The following ROS1 variants were observed in gnomAD, a reference collection of about 807,000 sequenced individuals.
ROS1 encodes the protein ROS proto-oncogene 1, receptor tyrosine kinase, also known as proto-oncogene tyrosine-protein kinase ROS.
A neutral mutation model predicts 273.5 loss-of-function variants in ROS1; 263 were observed. The observed-to-expected ratio is 0.96, with a 90% confidence interval of 0.87 to 1.06. The LOEUF is 1.06. Ranked by LOEUF, ROS1 falls within the 50% of genes least tolerant of loss-of-function variation. The probability of loss-of-function intolerance (pLI) is 0.00; values close to 1 mark genes in which losing one functional copy is unlikely to be tolerated. For synonymous variants in ROS1, 1,008 were observed against 954.1 expected (o/e 1.06, Z -1.04); for missense variants, 2,833 against 2,751.1 (o/e 1.03, Z -0.67).
In ROS1 at chr6:117,425,932, C is replaced by G; in HGVS notation, c.-276G>C. On this transcript the variant is annotated 5_prime_UTR_variant, in exon 1 of 44. Transcript: ENST00000368507. The stretch of plus-strand genomic sequence containing the variant: ...GTCACCCAGTGACTAAAGGTTAGTT[C>G]TTAGAAGTGCACTTCACATGGAAAT... The G allele has an allele frequency of 2.6e-6, 1 of 383,502 alleles. No homozygotes were observed. Among genetic ancestry groups the G allele is most frequent in the East Asian group, 5.3e-5 (1 of 18,944 alleles). The allele number at this position is 383,502 out of a possible 1,614,324, so 23.8% of individuals were successfully genotyped here. A position where few individuals can be genotyped will look rare whatever the true frequency, so the allele number is the denominator to read the frequency against.
chr6:117,356,628 C>T lies in ROS1; in HGVS notation c.4126+1G>A, dbSNP rs757211622. On this transcript the variant is annotated splice_donor_variant, in intron 26 of 43. Coordinates refer to ENST00000368507, the MANE Select transcript of ROS1 (RefSeq NM_001378902.1). LOFTEE classifies it high-confidence loss of function. Reference sequence around the variant, plus strand: ...TCTGTGCACATACATCAGCATCTTACCGAGCATAGCAGGTACTGTGATAAC... The same window carrying T: ...TCTGTGCACATACATCAGCATCTTATCGAGCATAGCAGGTACTGTGATAAC... 1.9e-6 allele frequency: 3 copies of T among 1,607,398 alleles called. No individual in the cohort carries two copies. The highest frequency in any genetic ancestry group is 1.7e-4 in the Middle Eastern group (1 of 6,040).
intron 9 of ROS1, among the ~76,000 whole-genome samples, chr6:117,395,503 G>A (rs1029410474): frequency 1.3e-5 from 2 of 152,112 alleles, no homozygotes; most frequent in Non-Finnish European, 2.9e-5. Context: ...TAGGGTTCTA[G>A]TAAAAATAGA....
At position 117,383,317 on chromosome 6, in the gene ROS1, CT is replaced by C. The variant is rs36029166; in HGVS notation, c.2480del (p.Lys827ArgfsTer2). The C allele has an allele frequency of 6.2e-7, 1 of 1,609,906 alleles. No homozygotes were observed. Among genetic ancestry groups the C allele is most frequent in the Non-Finnish European group, 8.5e-7 (1 of 1,176,690 alleles). On this transcript the variant is annotated frameshift_variant and splice_region_variant, in exon 17 of 44. Coordinates refer to ENST00000368507, the MANE Select transcript of ROS1 (RefSeq NM_001378902.1). LOFTEE classifies it high-confidence loss of function. The stretch of plus-strand genomic sequence containing the variant: ...ATGATCAGATCTTTTAATTTGTCAC[CT>C]TTTTCCCAGAAAACCAAGGCTGTGT... Reference protein sequence around the residue: ...LQTQPWFSGKKVIALTLDLSD... With the variant: ...LQTQPWFSGKXVIALTLDLSD...
chr6:117,289,525 C>T (rs1318996946), intron 43 of ROS1, among the ~76,000 whole-genome samples: 2 of 152,120 alleles, frequency 1.3e-5, no homozygotes, highest in African/African-American at 2.4e-5. Flanking sequence ...TTAAGTTTAA[C>T]ACCTGAACTA....
At chr6:117,399,945 C>T (rs1256627923) in intron 7 of ROS1, among the ~76,000 whole-genome samples, 1 of 152,158 alleles carries the variant, frequency 6.6e-6, no homozygotes, top group Non-Finnish European at 1.5e-5. Flanking sequence ...TACTATTGTG[C>T]TTTAAAACCT....
Position 117,407,727 on chromosome 6 carries a change from A to T in ROS1, c.316+1855T>A, listed in dbSNP as rs1330236780. Among the ~76,000 whole-genome samples, 4 of 152,344 alleles carry T rather than the reference A, an allele frequency of 2.6e-5. No homozygotes were observed. In the East Asian group the frequency reaches 5.8e-4, roughly 22 times the overall value. ...TTAGAAAAACTACTTTAAAGTTCAC[A>T]TGGAACCAAAAAAATGCCCACATTG... On this transcript the variant is annotated intron_variant, in intron 5 of 43. Transcript: ENST00000368507.
intron 18 of ROS1, among the ~76,000 whole-genome samples, chr6:117,368,595 T>C (rs1780467958): frequency 6.6e-6 from 1 of 152,176 alleles, no homozygotes; most frequent in African/African-American, 2.4e-5. Flanking sequence ...ATGTGGTTAG[T>C]ATGACCGAGG....
In ROS1 at chr6:117,325,047, C is replaced by T. The variant is rs1286856679; in HGVS notation, c.5540-632G>A. 2.0e-5 allele frequency among the ~76,000 whole-genome samples: 3 copies of T among 152,050 alleles called. No individual in the cohort carries two copies. In the East Asian group the frequency reaches 5.8e-4, roughly 29 times the overall value. On this transcript the variant is annotated intron_variant, in intron 34 of 43. Coordinates refer to ENST00000368507, the MANE Select transcript of ROS1 (RefSeq NM_001378902.1). Reference sequence around the variant, plus strand: ...AACATGCTACAGAGATCACATGTAGCCTGCAAAGTCTAACATATTTACTAT... The same window carrying T: ...AACATGCTACAGAGATCACATGTAGTCTGCAAAGTCTAACATATTTACTAT...
intron 16 of ROS1, 40 bp downstream of exon 16, chr6:117,385,643 T>G: frequency 6.3e-7 from 1 of 1,584,544 alleles, no homozygotes; most frequent in Non-Finnish European, 8.6e-7. Context: ...AGTGGATAAG[T>G]ATCATTCTAG....
chr6:117,418,509 G>GA lies in ROS1; in HGVS notation c.124-4dup, dbSNP rs1286109169. 1 of 1,599,174 alleles carries GA rather than the reference G, an allele frequency of 6.3e-7. No individual in the cohort carries two copies. Among genetic ancestry groups the GA allele is most frequent in the Non-Finnish European group, 8.5e-7 (1 of 1,174,494 alleles). On this transcript the variant is annotated splice_polypyrimidine_tract_variant and splice_region_variant and intron_variant, in intron 1 of 43. Coordinates refer to ENST00000368507, the MANE Select transcript of ROS1 (RefSeq NM_001378902.1). ...GTGCCAAGGTCAAGCTGCTGGCCCTGAAATGAAGAAGGAGGTAGTAAACAC... is the reference window on the plus strand; with the variant it reads ...GTGCCAAGGTCAAGCTGCTGGCCCTGAAAATGAAGAAGGAGGTAGTAAACAC...
intron 7 of ROS1, 33 bp downstream of exon 7, chr6:117,403,106 T>C: frequency 6.2e-7 from 1 of 1,609,448 alleles, no homozygotes; most frequent in Non-Finnish European, 8.5e-7. Context: ...TTTGGAATAA[T>C]GTCCTTTCAT....
chr6:117,311,458 C>G (rs1384548407), intron 39 of ROS1, among the ~76,000 whole-genome samples: 1 of 152,080 alleles, frequency 6.6e-6, no homozygotes, highest in Non-Finnish European at 1.5e-5. Flanking sequence ...AGTTACTTAA[C>G]TCACTAAGCA....
chr6:117,365,270 A>G lies in ROS1; in HGVS notation c.2959-66T>C, dbSNP rs1780122906. The G allele has an allele frequency of 3.4e-6, 5 of 1,453,172 alleles. No homozygotes were observed. In the African/African-American group the frequency reaches 5.7e-5, roughly 17 times the overall value. 90.0% of individuals were successfully genotyped at this position (1,453,172 alleles called of 1,614,324 possible). A position where few individuals can be genotyped will look rare whatever the true frequency, so the allele number is the denominator to read the frequency against. On this transcript the variant is annotated intron_variant, in intron 20 of 43. Transcript: ENST00000368507. Reference sequence around the variant, plus strand: ...ATTATAAAATCTTTCATTCCTTATTATCTAAAATCTCCAAACTTTAGTTCA... The same window carrying G: ...ATTATAAAATCTTTCATTCCTTATTGTCTAAAATCTCCAAACTTTAGTTCA...
Position 117,359,920 on chromosome 6 carries a change from T to A in ROS1, c.3522A>T (p.Ser1174=). ...AAACGGCACTGATAACTCTTTCTGC[T>A]GAAAACGTCCACACAACTTGATTTT... The part of the protein sequence containing the change: ...MDQNQVVWTF[S]AERVISAVCY... The change falls in exon 24 of 44, where the codon TCA becomes TCT. Residue 1174 remains serine, a synonymous_variant. Coordinates refer to ENST00000368507, the MANE Select transcript of ROS1 (RefSeq NM_001378902.1). The A allele has an allele frequency of 6.2e-7, 1 of 1,613,934 alleles. No individual in the cohort carries two copies. Among genetic ancestry groups the A allele is most frequent in the Non-Finnish European group, 8.5e-7 (1 of 1,179,890 alleles).
At chr6:117,306,792 C>T (rs976151530) in intron 42 of ROS1, among the ~76,000 whole-genome samples, 20 of 152,064 alleles carry the variant, frequency 1.3e-4, no homozygotes, top group African/African-American at 4.6e-4. Context: ...CAACTTAAGG[C>T]CATGGCCAGA....
At chr6:117,382,513 T>G (rs1410959865) in intron 17 of ROS1, among the ~76,000 whole-genome samples, 1 of 152,210 alleles carries the variant, frequency 6.6e-6, no homozygotes, top group African/African-American at 2.4e-5. Context: ...AATTTATTTA[T>G]TCTTAATGCA....
chr6:117,323,818 G>A (rs1036239337), intron 35 of ROS1, among the ~76,000 whole-genome samples: 1 of 152,078 alleles, frequency 6.6e-6, no homozygotes, highest in Non-Finnish European at 1.5e-5. Flanking sequence ...CAGATCAGAT[G>A]TCTGAAAGCA....
At chr6:117,399,273 C>A (rs1179482717) in intron 7 of ROS1, among the ~76,000 whole-genome samples, 1 of 152,172 alleles carries the variant, frequency 6.6e-6, no homozygotes, top group Non-Finnish European at 1.5e-5. Flanking sequence ...TTCTGTAGCA[C>A]CGGAAAATGT....
intron 12 of ROS1, among the ~76,000 whole-genome samples, chr6:117,391,837 T>C (rs1386117646): frequency 6.6e-6 from 1 of 152,166 alleles, no homozygotes; most frequent in Non-Finnish European, 1.5e-5. Context: ...TCCTTATCTA[T>C]AAAACTAGAA....
Sources: gnomAD v4.1 joint callset for allele counts (sites outside exome capture counted in the v4.1 genomes callset) on GRCh38, gnomAD v4.1.1 for gene constraint, MANE v1.5 for transcripts, NCBI Gene and HGNC (gene_info 2026-07-23, HGNC 2026-07-21) for gene names.